The following DMGDH variants were observed in gnomAD, a reference collection of about 807,000 sequenced individuals.
The protein encoded by DMGDH is dimethylglycine dehydrogenase.
A neutral mutation model predicts 95.2 loss-of-function variants in DMGDH; 76 were observed. The observed-to-expected ratio is 0.80, with a 90% CI of 0.66 to 0.97. The LOEUF (loss-of-function observed/expected upper bound fraction) is 0.97. Ranked by LOEUF, DMGDH falls within the 50% of genes least tolerant of loss-of-function variation. The pLI is 0.00. For synonymous variants in DMGDH, 345 were observed against 377.6 expected (o/e 0.91, Z 1.00); for missense variants, 987 against 1,055.0 (o/e 0.94, Z 0.89).
intron 1 of DMGDH, among the ~76,000 whole-genome samples, chr5:79,069,175 G>A (rs1580240813): frequency 1.3e-5 from 2 of 152,216 alleles, no homozygotes; most frequent in African/African-American, 4.8e-5. Flanking sequence ...TGCTGATATG[G>A]AACAATCTCC....
chr5:79,040,724 T>G (rs1234977178), intron 7 of DMGDH, among the ~76,000 whole-genome samples: 1 of 152,228 alleles, frequency 6.6e-6, no homozygotes, highest in Non-Finnish European at 1.5e-5. Context: ...ATAAGGTTCT[T>G]ATATCTAGAA....
chr5:79,017,182 T>C lies in DMGDH; in HGVS notation c.2250+7089A>G, dbSNP rs147718245. Among the ~76,000 whole-genome samples, 232 of 152,120 alleles carry C rather than the reference T, an allele frequency of 1.5e-3. 3 individuals are homozygous for C. Among genetic ancestry groups the C allele is most frequent in the African/African-American group, 5.3e-3 (221 of 41,532 alleles). On this transcript the variant is annotated intron_variant, in intron 14 of 15. Transcript: ENST00000255189. ...AAAAGCATGATTCATAAAAGAACAA[T>C]TGATAAGAACTTTAAAATTCAAAAA... is the stretch of plus-strand genomic sequence containing the variant.
rs190111410 is a variant in DMGDH, at chr5:79,002,808, A to G, written c.2385+2465T>C. On this transcript the variant is annotated intron_variant, in intron 15 of 15. Coordinates refer to ENST00000255189, the MANE Select transcript of DMGDH (RefSeq NM_013391.3). ...AGGATCCAAGGAGGGCCTCTGAAAA[A>G]GGATCAAAAAGAAGACTATCTGTAT... Among the ~76,000 whole-genome samples the G allele has an allele frequency of 2.3e-4, 35 of 152,372 alleles. No homozygotes were observed. The East Asian group carries it at 6.0e-3, about 26-fold the overall frequency.
At chr5:79,042,572 AAG>A in intron 6 of DMGDH, 91 bp from the exon 7 acceptor site, 3 of 1,278,342 alleles carry the variant, frequency 2.3e-6, no homozygotes, top group Non-Finnish European at 3.4e-6. Flanking sequence ...CCTACATTTA[AAG>A]ATGGCCTGTT....
At chr5:79,023,581 G>A (rs1269795384) in intron 14 of DMGDH, among the ~76,000 whole-genome samples, 1 of 152,118 alleles carries the variant, frequency 6.6e-6, no homozygotes, top group Non-Finnish European at 1.5e-5. Flanking sequence ...GTAGTTCTAG[G>A]GTGGGACCTG....
At chr5:79,021,063 T>C in intron 14 of DMGDH, 2 of 985,880 alleles carry the variant, frequency 2.0e-6, no homozygotes. Context: ...AAAAATACCA[T>C]TGAGAACAAT....
At chr5:79,069,036 T>C (rs1580240533) in intron 1 of DMGDH, among the ~76,000 whole-genome samples, 4 of 152,348 alleles carry the variant, frequency 2.6e-5, no homozygotes, top group Admixed American at 2.6e-4. Context: ...AATTTTCACA[T>C]GCACGTTATT....
chr5:79,039,415 G>A (rs1754440304), intron 7 of DMGDH, among the ~76,000 whole-genome samples: 1 of 152,032 alleles, frequency 6.6e-6, no homozygotes, highest in African/African-American at 2.4e-5. Flanking sequence ...TAGGGACATG[G>A]ATGAAATTGG....
chr5:79,038,139 T>C (rs1330888953), intron 7 of DMGDH, among the ~76,000 whole-genome samples: 1 of 152,186 alleles, frequency 6.6e-6, no homozygotes, highest in Non-Finnish European at 1.5e-5. Flanking sequence ...GGATTCATAC[T>C]TCCTGATTTC....
intron 13 of DMGDH, 91 bp from the exon 14 acceptor site, chr5:79,024,421 T>G (rs1276519265): frequency 8.1e-7 from 1 of 1,238,272 alleles, no homozygotes; most frequent in African/African-American, 1.5e-5. Flanking sequence ...GAAAGAACCC[T>G]TTTTGATTTT....
At chr5:79,023,657 G>C (rs1656491437) in intron 14 of DMGDH, among the ~76,000 whole-genome samples, 1 of 152,208 alleles carries the variant, frequency 6.6e-6, no homozygotes. Flanking sequence ...TACATTTTAA[G>C]AACCACTGAT....
At chr5:79,057,600 T>C (rs1448494925) in intron 2 of DMGDH, among the ~76,000 whole-genome samples, 1 of 152,012 alleles carries the variant, frequency 6.6e-6, no homozygotes, top group Non-Finnish European at 1.5e-5. Context: ...AGAGAAGGGA[T>C]TCCATTACAA....
chr5:79,012,713 A>G (rs1384241802), intron 14 of DMGDH, among the ~76,000 whole-genome samples: 1 of 152,252 alleles, frequency 6.6e-6, no homozygotes, highest in African/African-American at 2.4e-5. Flanking sequence ...ATCATGTGGA[A>G]GCTGCCAAGG....
chr5:79,044,283 A>G (rs762807884), intron 6 of DMGDH, 21 bp downstream of exon 6: 1 of 1,614,172 alleles, frequency 6.2e-7, no homozygotes, highest in South Asian at 1.1e-5. Context: ...ACTAGCACAC[A>G]CTTTCATTTG....
rs1389104331 is a variant in DMGDH, at chr5:78,997,914, C to G, written c.*168G>C. The G allele has an allele frequency of 2.9e-6, 2 of 682,988 alleles. No individual in the cohort carries two copies. Among genetic ancestry groups the G allele is most frequent in the South Asian group, 1.9e-5 (1 of 51,978 alleles). The allele number at this position is 682,988 out of a possible 1,614,324, so 42.3% of individuals were successfully genotyped here. A position where few individuals can be genotyped will look rare whatever the true frequency, so the allele number is the denominator to read the frequency against. ...GTAAATCATTTATCTATTATTCTGT[C>G]TTGCTTAGAAAACACTTAACAGAAA... On this transcript the variant is annotated 3_prime_UTR_variant, in exon 16 of 16. Transcript: ENST00000255189.
chr5:79,063,495 C>T (rs937248695), intron 2 of DMGDH, 118 bp downstream of exon 2: 6 of 1,167,966 alleles, frequency 5.1e-6, no homozygotes, highest in South Asian at 2.5e-5. Context: ...GCACTTCCAA[C>T]GCTATTGAAG....
intron 5 of DMGDH, among the ~76,000 whole-genome samples, chr5:79,050,659 C>G (rs988021792): frequency 2.0e-5 from 3 of 152,190 alleles, no homozygotes; most frequent in Admixed American, 1.3e-4. Flanking sequence ...ACATAACGAT[C>G]AGTGGCCGCT....
chr5:79,011,148 G>A (rs1441697351), intron 14 of DMGDH, among the ~76,000 whole-genome samples: 2 of 152,014 alleles, frequency 1.3e-5, no homozygotes, highest in Non-Finnish European at 2.9e-5. Flanking sequence ...TCATTCATTT[G>A]GGGGAATGAA....
chr5:79,038,397 T>G (rs1241827087), intron 7 of DMGDH, among the ~76,000 whole-genome samples: 1 of 152,106 alleles, frequency 6.6e-6, no homozygotes, highest in Non-Finnish European at 1.5e-5. Flanking sequence ...AGCAAGAGAA[T>G]TGCTTGAACC....
Sources: allele counts gnomAD v4.1 joint callset (sites outside exome capture counted in the v4.1 genomes callset), GRCh38; gene constraint gnomAD v4.1.1; transcripts MANE v1.5; gene names NCBI Gene and HGNC (gene_info 2026-07-23, HGNC 2026-07-21).